Variants in NRXN1 observed in about 807,000 individuals in gnomAD.
The protein encoded by NRXN1 is neurexin 1, also known as neurexin-1.
A neutral mutation model predicts 150.9 loss-of-function variants in NRXN1; 39 were observed. The ratio of observed to expected loss-of-function variants is 0.26; its 90% CI spans 0.20 to 0.34. The LOEUF (loss-of-function observed/expected upper bound fraction) is 0.34. NRXN1 is among the 10% of genes least tolerant of loss of function. The pLI is 1.00. For missense variants in NRXN1, 1,815 were observed against 1,949.9 expected, an observed-to-expected ratio of 0.93 and a Z score of 1.30; for synonymous variants, 924 against 757.0, an observed-to-expected ratio of 1.22 and a Z score of -3.62.
chr2:49,993,784 C>G (rs753500961), intron 21 of NRXN1, among the ~76,000 whole-genome samples: 2 of 152,184 alleles, frequency 1.3e-5, no homozygotes, highest in Non-Finnish European at 2.9e-5. Flanking sequence ...AATTGCTCAT[C>G]ATAGCAGATA....
At chr2:50,937,732 CTCAT>C (rs138904047) in intron 2 of NRXN1, among the ~76,000 whole-genome samples, 2,772 of 152,036 alleles carry the variant, frequency 0.018, 85 homozygotes, top group African/African-American at 0.064. Context: ...CTTGTGTAAT[CTCAT>C]TCAATTATTA....
intron 12 of NRXN1, among the ~76,000 whole-genome samples, chr2:50,507,621 C>A: frequency 9.5e-6 from 1 of 105,418 alleles, no homozygotes; most frequent in African/African-American, 3.9e-5. Flanking sequence ...TTAAGTTAGA[C>A]TATATCCGTC....
At chr2:50,630,267 G>C (rs2104389489) in intron 5 of NRXN1, among the ~76,000 whole-genome samples, 1 of 151,700 alleles carries the variant, frequency 6.6e-6, no homozygotes, top group South Asian at 2.1e-4. Flanking sequence ...GTTGTAGAAG[G>C]TGTTCAATCC....
intron 5 of NRXN1, chr2:50,632,298 A>G (rs1489401481): frequency 6.6e-6 from 1 of 152,028 alleles, no homozygotes; most frequent in African/African-American, 2.4e-5. Flanking sequence ...TATTGTGGCC[A>G]TCTTGTAAGC....
intron 5 of NRXN1, among the ~76,000 whole-genome samples, chr2:50,665,040 C>G (rs184469013): frequency 3.3e-5 from 5 of 152,088 alleles, no homozygotes; most frequent in Admixed American, 3.3e-4. Flanking sequence ...AACTTGTTCT[C>G]TTAACATAAT....
intron 5 of NRXN1, among the ~76,000 whole-genome samples, chr2:50,645,027 T>C (rs1429009934): frequency 6.6e-6 from 1 of 151,936 alleles, no homozygotes; most frequent in Non-Finnish European, 1.5e-5. Context: ...GAAAGCCATC[T>C]AAAGAATTTC....
At chr2:50,068,400 C>T (rs1695694454) in intron 19 of NRXN1, among the ~76,000 whole-genome samples, 1 of 95,580 alleles carries the variant, frequency 1.0e-5, no homozygotes, top group South Asian at 3.2e-4. Flanking sequence ...ATAACTTTCC[C>T]CTAATACAAG....
At chr2:50,361,373 A>AT (rs1304888975) in intron 17 of NRXN1, among the ~76,000 whole-genome samples, 1 of 152,132 alleles carries the variant, frequency 6.6e-6, no homozygotes, top group Non-Finnish European at 1.5e-5. Flanking sequence ...TAGCCAGACT[A>AT]TATATAAGAA....
chr2:49,921,136 A>C lies in NRXN1; in HGVS notation c.*808T>G, dbSNP rs201441873. The C allele has an allele frequency of 1.3e-5, 2 of 152,628 alleles. No homozygotes were observed. Among genetic ancestry groups the C allele is most frequent in the African/African-American group, 4.8e-5 (2 of 41,446 alleles). 9.5% of individuals were successfully genotyped at this position (152,628 alleles called of 1,614,324 possible). On this transcript the variant is annotated 3_prime_UTR_variant, in exon 23 of 23. Coordinates refer to ENST00000401669, the MANE Select transcript of NRXN1 (RefSeq NM_001330078.2). ...GAGATATATTTTGCATTTTCTATAC[A>C]ACAGGCTATAAAACGTCACTTATCA...
intron 5 of NRXN1, among the ~76,000 whole-genome samples, chr2:50,908,281 T>C (rs561593234): frequency 4.6e-5 from 7 of 151,886 alleles, no homozygotes; most frequent in African/African-American, 1.2e-4. Flanking sequence ...TGGAAAAACT[T>C]AGAGATTTCA....
intron 5 of NRXN1, among the ~76,000 whole-genome samples, chr2:50,807,442 A>G (rs56228541): frequency 0.033 from 4,915 of 150,226 alleles, 162 homozygotes; most frequent in East Asian, 0.081. Context: ...ATTTTATAAT[A>G]TAAACCACTA....
chr2:50,704,612 T>C (rs1046923712), intron 5 of NRXN1, among the ~76,000 whole-genome samples: 2 of 151,646 alleles, frequency 1.3e-5, no homozygotes, highest in African/African-American at 4.8e-5. Flanking sequence ...ACATTGTTAG[T>C]CTTCAGGATT....
chr2:50,134,195 T>A (rs778803867), intron 18 of NRXN1, among the ~76,000 whole-genome samples: 1 of 150,102 alleles, frequency 6.7e-6, no homozygotes, highest in Non-Finnish European at 1.5e-5. Flanking sequence ...CTGGTGTTAA[T>A]CTAGAACTAT....
At chr2:50,446,807 T>C (rs546352070) in intron 17 of NRXN1, among the ~76,000 whole-genome samples, 1 of 152,204 alleles carries the variant, frequency 6.6e-6, no homozygotes, top group Non-Finnish European at 1.5e-5. Flanking sequence ...GTTATACAAA[T>C]ATGCATTATT....
At chr2:50,618,999 C>T (rs1297847882) in intron 8 of NRXN1, 1 of 152,008 alleles carries the variant, frequency 6.6e-6, no homozygotes, top group African/African-American at 2.4e-5. Context: ...CTATATACAT[C>T]CACATACTGG....
At chr2:50,218,261 T>G (rs1255352630) in intron 18 of NRXN1, among the ~76,000 whole-genome samples, 7 of 152,086 alleles carry the variant, frequency 4.6e-5, no homozygotes. Context: ...AACAAGGTTC[T>G]GTTCACTTTA....
At chr2:50,971,223 T>G (rs926614427) in intron 2 of NRXN1, among the ~76,000 whole-genome samples, 2 of 152,138 alleles carry the variant, frequency 1.3e-5, no homozygotes, top group African/African-American at 4.8e-5. Flanking sequence ...TCTGCAGAAT[T>G]AGTAACATAA....
At chr2:50,125,036 T>C (rs1308522343) in intron 18 of NRXN1, among the ~76,000 whole-genome samples, 2 of 152,138 alleles carry the variant, frequency 1.3e-5, no homozygotes, top group Non-Finnish European at 2.9e-5. Flanking sequence ...TATACAAACA[T>C]ATACATGTAC....
At chr2:50,317,377 A>T (rs2075695723) in intron 17 of NRXN1, among the ~76,000 whole-genome samples, 1 of 151,972 alleles carries the variant, frequency 6.6e-6, no homozygotes, top group South Asian at 2.1e-4. Flanking sequence ...AGTCAGGAAG[A>T]ATGAAACAGT....
Sources: gnomAD v4.1 joint callset for allele counts (sites outside exome capture counted in the v4.1 genomes callset) on GRCh38, gnomAD v4.1.1 for gene constraint, MANE v1.5 for transcripts, NCBI Gene and HGNC (gene_info 2026-07-23, HGNC 2026-07-21) for gene names.